Variants in LRRTM4 observed in about 807,000 individuals in gnomAD.
The protein encoded by LRRTM4 is leucine rich repeat transmembrane neuronal 4.
Under a neutral mutation model 47.6 loss-of-function variants are expected in LRRTM4, and 25 were observed. The ratio of observed to expected loss-of-function variants is 0.53; its 90% CI spans 0.38 to 0.73. LRRTM4 has a LOEUF of 0.73. LRRTM4 is among the 30% of genes least tolerant of loss of function. The probability of loss-of-function intolerance (pLI) is 0.00; values close to 1 mark genes in which losing one functional copy is unlikely to be tolerated. For missense variants in LRRTM4, 638 were observed against 713.4 expected (o/e 0.89, Z 1.20); for synonymous variants, 311 against 269.5 (o/e 1.15, Z -1.51).
chr2:77,516,498 T>C (rs1334694053), intron 3 of LRRTM4, among the ~76,000 whole-genome samples: 1 of 151,740 alleles, frequency 6.6e-6, no homozygotes, highest in Admixed American at 6.6e-5. Context: ...CAAGAGAAAA[T>C]GAATTAATGC....
rs143737534 is a variant in LRRTM4 at position 77,021,939 on chromosome 2, C to T, written c.1552-273023G>A. ...TCTTAGCTCCCTAGAATTTGTTCAC[C>T]TTATAACTGAAAGTATGTGCCCTTT... is the stretch of plus-strand genomic sequence containing the variant. On this transcript the variant is annotated intron_variant, in intron 3 of 3. Transcript: ENST00000409884. 9.6e-4 allele frequency among the ~76,000 whole-genome samples: 146 copies of T among 152,196 alleles called. 1 individual carries two copies. The East Asian group carries it at 0.021, about 22-fold the overall frequency.
intron 3 of LRRTM4, among the ~76,000 whole-genome samples, chr2:77,333,326 CAGA>C (rs1558692574): frequency 1.3e-5 from 2 of 152,120 alleles, no homozygotes; most frequent in Non-Finnish European, 2.9e-5. Flanking sequence ...TTGGAAAGCT[CAGA>C]AGAAGTCAGA....
At chr2:77,401,130 A>T (rs1159365876) in intron 3 of LRRTM4, among the ~76,000 whole-genome samples, 1 of 151,936 alleles carries the variant, frequency 6.6e-6, no homozygotes, top group Non-Finnish European at 1.5e-5. Context: ...GGTCTAGAAG[A>T]GTTCTCAAAG....
intron 3 of LRRTM4, among the ~76,000 whole-genome samples, chr2:77,430,487 C>T (rs1020066081): frequency 2.0e-5 from 3 of 151,918 alleles, no homozygotes; most frequent in Non-Finnish European, 2.9e-5. Flanking sequence ...TTTGGAAGGC[C>T]GAGGCGGGAG....
chr2:77,513,744 T>G (rs775849403), intron 3 of LRRTM4, among the ~76,000 whole-genome samples: 2 of 152,118 alleles, frequency 1.3e-5, no homozygotes, highest in Non-Finnish European at 2.9e-5. Flanking sequence ...TTTTGTATTT[T>G]CAGTAGAGAC....
At chr2:77,424,773 A>G (rs759906187) in intron 3 of LRRTM4, among the ~76,000 whole-genome samples, 3 of 152,188 alleles carry the variant, frequency 2.0e-5, no homozygotes, top group Non-Finnish European at 2.9e-5. Context: ...ACTTGAGGAA[A>G]TTCCAGCCTT....
At chr2:76,866,007 A>G (rs1013914973) in intron 3 of LRRTM4, among the ~76,000 whole-genome samples, 2 of 152,160 alleles carry the variant, frequency 1.3e-5, no homozygotes. Flanking sequence ...AAAACCCCAC[A>G]TAAGATTTAC....
At chr2:77,031,766 C>T (rs576269972) in intron 3 of LRRTM4, among the ~76,000 whole-genome samples, 49 of 152,018 alleles carry the variant, frequency 3.2e-4, no homozygotes, top group Non-Finnish European at 4.3e-4. Flanking sequence ...AGAGAGAGCG[C>T]GCACAATATG....
At chr2:76,914,904 C>A (rs935618559) in intron 3 of LRRTM4, among the ~76,000 whole-genome samples, 1 of 152,064 alleles carries the variant, frequency 6.6e-6, no homozygotes, top group African/African-American at 2.4e-5. Flanking sequence ...TTACTAAGAG[C>A]AGAAAGAAAA....
At chr2:77,184,874 A>T (rs754655836) in intron 3 of LRRTM4, among the ~76,000 whole-genome samples, 7 of 152,158 alleles carry the variant, frequency 4.6e-5, no homozygotes, top group Non-Finnish European at 8.8e-5. Flanking sequence ...TGAAAATAAG[A>T]TAGCGTTGAT....
intron 3 of LRRTM4, among the ~76,000 whole-genome samples, chr2:77,423,376 T>C (rs542343802): frequency 1.4e-4 from 21 of 152,310 alleles, no homozygotes; most frequent in African/African-American, 4.8e-4. Context: ...ATTCTAAATA[T>C]TACTGATACA....
At chr2:77,506,255 C>T (rs908307486) in intron 3 of LRRTM4, among the ~76,000 whole-genome samples, 4 of 151,376 alleles carry the variant, frequency 2.6e-5, no homozygotes, top group African/African-American at 9.7e-5. Context: ...CAAGTTAGTT[C>T]TCTATTTCAC....
intron 3 of LRRTM4, among the ~76,000 whole-genome samples, chr2:76,854,092 T>C (rs1672075370): frequency 6.6e-6 from 1 of 152,176 alleles, no homozygotes; most frequent in Non-Finnish European, 1.5e-5. Context: ...AATCCCCTTC[T>C]TTCCTGGCAA....
intron 3 of LRRTM4, among the ~76,000 whole-genome samples, chr2:77,435,799 C>T (rs1675569807): frequency 6.6e-6 from 1 of 152,120 alleles, no homozygotes; most frequent in Non-Finnish European, 1.5e-5. Context: ...AGGAGGTGGA[C>T]ACAAAACCTT....
intron 3 of LRRTM4, among the ~76,000 whole-genome samples, chr2:77,435,036 A>T (rs533712686): frequency 6.6e-6 from 1 of 152,020 alleles, no homozygotes; most frequent in East Asian, 1.9e-4. Context: ...TGTTTGTCCT[A>T]TGCATTGTAG....
chr2:77,154,036 C>A (rs1302661285), intron 3 of LRRTM4, among the ~76,000 whole-genome samples: 1 of 152,160 alleles, frequency 6.6e-6, no homozygotes, highest in Non-Finnish European at 1.5e-5. Flanking sequence ...TTACAAACAT[C>A]TCAATTACTA....
At chr2:76,942,333 T>G (rs746885612) in intron 3 of LRRTM4, among the ~76,000 whole-genome samples, 2 of 152,184 alleles carry the variant, frequency 1.3e-5, no homozygotes, top group Non-Finnish European at 2.9e-5. Flanking sequence ...TTTGTCAATT[T>G]TGGCTTTTGT....
intron 3 of LRRTM4, among the ~76,000 whole-genome samples, chr2:77,014,954 C>CAG (rs1678007460): frequency 6.6e-6 from 1 of 152,034 alleles, no homozygotes; most frequent in Non-Finnish European, 1.5e-5. Context: ...GGCTAGCCTA[C>CAG]TGTCTTTAGT....
At chr2:76,762,138 A>G (rs1399604148) in intron 3 of LRRTM4, among the ~76,000 whole-genome samples, 1 of 152,180 alleles carries the variant, frequency 6.6e-6, no homozygotes, top group Non-Finnish European at 1.5e-5. Context: ...ATGCTCCAGT[A>G]TGTACCCTCA....
Sources: allele counts gnomAD v4.1 joint callset (sites outside exome capture counted in the v4.1 genomes callset), GRCh38; gene constraint gnomAD v4.1.1; transcripts MANE v1.5; gene names NCBI Gene and HGNC (gene_info 2026-07-23, HGNC 2026-07-21).